Variants in ST6GALNAC3 observed in about 807,000 individuals in gnomAD.
ST6GALNAC3 encodes the protein ST6 N-acetylgalactosaminide alpha-2,6-sialyltransferase 3, also known as alpha-N-acetylgalactosaminide alpha-2,6-sialyltransferase 3.
Under a neutral mutation model 32.7 loss-of-function variants are expected in ST6GALNAC3, and 25 were observed. That is an observed-to-expected ratio of 0.76 (90% CI 0.56 to 1.07). The LOEUF (loss-of-function observed/expected upper bound fraction) is 1.07. ST6GALNAC3 is among the 50% of genes least tolerant of loss of function. The pLI is 0.00. For synonymous variants in ST6GALNAC3, 129 were observed against 133.1 expected (o/e 0.97, Z 0.21); for missense variants, 355 against 382.4 (o/e 0.93, Z 0.60).
intron 3 of ST6GALNAC3, among the ~76,000 whole-genome samples, chr1:76,438,015 T>G (rs1282597147): frequency 3.4e-5 from 5 of 148,918 alleles, no homozygotes; most frequent in African/African-American, 1.3e-4. Context: ...ATAAGTATTT[T>G]GAAAATTAAC....
chr1:76,094,845 C>A (rs747829183), intron 1 of ST6GALNAC3, among the ~76,000 whole-genome samples: 12 of 152,196 alleles, frequency 7.9e-5, no homozygotes, highest in African/African-American at 2.9e-4. Flanking sequence ...TCTCCCTGCT[C>A]TTTCTATCTC....
intron 1 of ST6GALNAC3, among the ~76,000 whole-genome samples, chr1:76,285,177 C>G (rs901818761): frequency 1.3e-5 from 2 of 152,180 alleles, no homozygotes; most frequent in African/African-American, 4.8e-5. Flanking sequence ...TAATTTATTT[C>G]CATACTGAAG....
chr1:76,131,539 C>T (rs1037443837), intron 1 of ST6GALNAC3, among the ~76,000 whole-genome samples: 2 of 152,116 alleles, frequency 1.3e-5, no homozygotes, highest in South Asian at 2.1e-4. Context: ...AAGCTGCCAC[C>T]GACTCAGAAA....
chr1:76,316,103 C>G (rs1646860017), intron 2 of ST6GALNAC3, among the ~76,000 whole-genome samples: 1 of 151,930 alleles, frequency 6.6e-6, no homozygotes, highest in South Asian at 2.1e-4. Context: ...GCCAGATTGG[C>G]AAAAAATTAA....
At chr1:76,507,286 A>C (rs1236105181) in intron 3 of ST6GALNAC3, among the ~76,000 whole-genome samples, 3 of 152,200 alleles carry the variant, frequency 2.0e-5, no homozygotes, top group African/African-American at 7.2e-5. Flanking sequence ...CTTTATTAGG[A>C]TATAATTCAC....
chr1:76,333,969 G>A (rs535199020), intron 2 of ST6GALNAC3, among the ~76,000 whole-genome samples: 3 of 152,252 alleles, frequency 2.0e-5, no homozygotes, highest in African/African-American at 7.2e-5. Flanking sequence ...CTCTTAGATG[G>A]AAGAACACAA....
At chr1:76,348,748 A>C (rs1570920004) in intron 2 of ST6GALNAC3, among the ~76,000 whole-genome samples, 1 of 150,324 alleles carries the variant, frequency 6.7e-6, no homozygotes, top group South Asian at 2.1e-4. Flanking sequence ...ATGCATGCCT[A>C]TATATATATA....
rs1019367549 is a variant in ST6GALNAC3, at chr1:76,433,886, A to G, written c.623+21469A>G. On this transcript the variant is annotated intron_variant, in intron 3 of 4. Coordinates refer to ENST00000328299, the MANE Select transcript of ST6GALNAC3 (RefSeq NM_152996.4). ...CTGCTGATGATAGCAGACAGGGGTGACATGTGATAATGCTTATTCATTATG... is the reference window on the plus strand; with the variant it reads ...CTGCTGATGATAGCAGACAGGGGTGGCATGTGATAATGCTTATTCATTATG... Among the ~76,000 whole-genome samples the G allele has an allele frequency of 2.0e-5, 3 of 152,258 alleles. No individual in the cohort carries two copies. In the South Asian group the frequency reaches 6.2e-4, roughly 32 times the overall value.
chr1:76,578,153 C>G (rs72678102), intron 3 of ST6GALNAC3, among the ~76,000 whole-genome samples: 9 of 152,182 alleles, frequency 5.9e-5, no homozygotes, highest in Non-Finnish European at 1.3e-4. Context: ...GTACATGCCA[C>G]ATATTTGGCT....
intron 1 of ST6GALNAC3, among the ~76,000 whole-genome samples, chr1:76,089,050 G>A (rs1037104681): frequency 6.6e-6 from 1 of 151,798 alleles, no homozygotes; most frequent in Admixed American, 6.6e-5. Context: ...TTTTTTTGAG[G>A]TGGAGTCTCG....
intron 1 of ST6GALNAC3, among the ~76,000 whole-genome samples, chr1:76,232,314 T>A (rs1034538100): frequency 7.9e-5 from 12 of 152,208 alleles, no homozygotes; most frequent in African/African-American, 2.9e-4. Flanking sequence ...TATTTCTGTG[T>A]TGTCAGCTAG....
chr1:76,169,563 G>T (rs1652342878), intron 1 of ST6GALNAC3, among the ~76,000 whole-genome samples: 5 of 152,082 alleles, frequency 3.3e-5, no homozygotes, highest in Admixed American at 2.6e-4. Flanking sequence ...CAGATTGGTT[G>T]CATTTTCCCC....
At chr1:76,351,411 C>T (rs1260961677) in intron 2 of ST6GALNAC3, among the ~76,000 whole-genome samples, 1 of 152,012 alleles carries the variant, frequency 6.6e-6, no homozygotes, top group Non-Finnish European at 1.5e-5. Context: ...CTTGCACATT[C>T]CCAGAAAATT....
At chr1:76,397,199 A>G (rs1482821700) in intron 2 of ST6GALNAC3, among the ~76,000 whole-genome samples, 1 of 152,108 alleles carries the variant, frequency 6.6e-6, no homozygotes, top group Non-Finnish European at 1.5e-5. Context: ...GATTGCTGTA[A>G]CTCAAAGGGT....
At chr1:76,349,358 T>G (rs1358160375) in intron 2 of ST6GALNAC3, among the ~76,000 whole-genome samples, 1 of 152,188 alleles carries the variant, frequency 6.6e-6, no homozygotes, top group Non-Finnish European at 1.5e-5. Context: ...TTCTAAGTCC[T>G]TTTTGCATGC....
intron 1 of ST6GALNAC3, among the ~76,000 whole-genome samples, chr1:76,234,519 G>T (rs183114306): frequency 1.4e-4 from 22 of 152,202 alleles, no homozygotes; most frequent in African/African-American, 5.1e-4. Flanking sequence ...CAGGAAGGCC[G>T]ATGCCTATCT....
chr1:76,189,604 T>C (rs1269904904), intron 1 of ST6GALNAC3, among the ~76,000 whole-genome samples: 1 of 152,098 alleles, frequency 6.6e-6, no homozygotes, highest in Non-Finnish European at 1.5e-5. Context: ...AAAGAGTAAA[T>C]CCAATAACAA....
chr1:76,371,308 G>A (rs1202525484), intron 2 of ST6GALNAC3, among the ~76,000 whole-genome samples: 1 of 152,118 alleles, frequency 6.6e-6, no homozygotes, highest in Non-Finnish European at 1.5e-5. Context: ...GGGCAAAGTT[G>A]TTTTCATGAG....
intron 1 of ST6GALNAC3, among the ~76,000 whole-genome samples, chr1:76,076,101 A>G (rs1646812918): frequency 6.6e-6 from 1 of 152,232 alleles, no homozygotes; most frequent in African/African-American, 2.4e-5. Context: ...ATTTTCCAGG[A>G]CATGAGGAAA....
Sources: gnomAD v4.1 joint callset for allele counts (sites outside exome capture counted in the v4.1 genomes callset) on GRCh38, gnomAD v4.1.1 for gene constraint, MANE v1.5 for transcripts, NCBI Gene and HGNC (gene_info 2026-07-23, HGNC 2026-07-21) for gene names.